GTPBP6: variants seen among roughly 807,000 people sequenced by gnomAD.
GTPBP6 encodes the protein GTP binding protein 6.
Under a neutral mutation model 28.9 loss-of-function variants are expected in GTPBP6, and 33 were observed. That is an observed-to-expected ratio of 1.14 (90% CI 0.87 to 1.53). The LOEUF is 1.53. GTPBP6 is among the 40% of genes most tolerant of loss of function. GTPBP6 has a pLI of 0.00. For synonymous variants in GTPBP6, 231 were observed against 192.7 expected (o/e 1.20, Z -1.65); for missense variants, 507 against 408.3 (o/e 1.24, Z -2.08).
intron 5 of GTPBP6, among the ~76,000 whole-genome samples, chrX:313,880 C>G (rs937348667): frequency 1.3e-5 from 2 of 151,880 alleles, no homozygotes; most frequent in Non-Finnish European, 2.9e-5. Flanking sequence ...GTTTAAATCC[C>G]CAGTTTGTGG....
chrX:305,318 C>G, intron 9 of GTPBP6, 121 bp from the exon 10 acceptor site: 5 of 783,092 alleles, frequency 6.4e-6, no homozygotes, highest in Non-Finnish European at 1.0e-5. Flanking sequence ...CGTCCTGTTT[C>G]CTTTTGTTTT....
exon 9 of GTPBP6, chrX:307,365 C>G: frequency 1.2e-6 from 2 of 1,612,056 alleles, no homozygotes; most frequent in South Asian, 2.2e-5. Flanking sequence ...CTCACCTGAG[C>G]TGCGCCCCTG....
intron 4 of GTPBP6, among the ~76,000 whole-genome samples, 170 bp from the exon 5 acceptor site, chrX:314,387 C>T (rs1054781136): frequency 1.2e-4 from 19 of 152,172 alleles, no homozygotes; most frequent in Middle Eastern, 3.4e-3. Flanking sequence ...ACGCGTGTCC[C>T]GGGCCGAGGG....
intron 6 of GTPBP6, chrX:312,443 C>T (rs1238958585): frequency 7.1e-6 from 4 of 563,718 alleles, no homozygotes; most frequent in South Asian, 3.1e-5. Flanking sequence ...ATGGTCTAGA[C>T]AGGAGGATGG....
At chrX:318,756 C>T in exon 1 of GTPBP6, 2 of 318,532 alleles carry the variant, frequency 6.3e-6, no homozygotes, top group East Asian at 4.9e-5. Context: ...GAGCCGCAGC[C>T]CCGGGCGTAC....
intron 6 of GTPBP6, chrX:312,021 G>C (rs1465588317): frequency 2.0e-6 from 1 of 494,932 alleles, no homozygotes; most frequent in Non-Finnish European, 3.9e-6. Context: ...TAGATGGGTG[G>C]ATATAGATAC....
intron 3 of GTPBP6, 35 bp downstream of exon 3, chrX:315,194 C>CG: frequency 2.5e-6 from 1 of 398,664 alleles, no homozygotes; most frequent in Non-Finnish European, 4.4e-6. Context: ...GCGTGGAGTG[C>CG]GGGGACAAAC....
chrX:312,915 A>AAG lies in GTPBP6; in HGVS notation c.765_766dup (p.Phe256SerfsTer10). On this transcript the variant is annotated frameshift_variant, in exon 6 of 10. Coordinates refer to ENST00000326153, the Ensembl canonical transcript of GTPBP6. LOFTEE classifies it high-confidence loss of function. ...CAGGAGACGCTGCTGCAGCTGCATG[A>AAG]AGGATTCTCCTAAAAGACACCCGAG... 2 of 1,612,060 alleles carry AAG rather than the reference A, an allele frequency of 1.2e-6. No homozygotes were observed. Among genetic ancestry groups the AAG allele is most frequent in the Non-Finnish European group, 1.7e-6 (2 of 1,179,194 alleles).
chrX:305,543 G>A lies in GTPBP6; in HGVS notation c.1428-346C>T, dbSNP rs28683496. Among the ~76,000 whole-genome samples the A allele has an allele frequency of 2.0e-3, 302 of 147,874 alleles. 7 individuals are homozygous for A. Among genetic ancestry groups the A allele is most frequent in the African/African-American group, 7.2e-3 (275 of 38,380 alleles). ...TCACCGTGTTAGCCAGGATGGTCTCGATCTCCTGACTTCGTGATCCACCCG... is the reference window on the plus strand; with the variant it reads ...TCACCGTGTTAGCCAGGATGGTCTCAATCTCCTGACTTCGTGATCCACCCG... On this transcript the variant is annotated intron_variant, in intron 9 of 9. Transcript: ENST00000326153.
intron 6 of GTPBP6, chrX:312,049 T>A (rs867983889): frequency 3.7e-5 from 17 of 454,676 alleles, no homozygotes; most frequent in African/African-American, 2.8e-4. Flanking sequence ...GTGCCGGTGT[T>A]GACAGAAGGA....
chrX:308,202 G>A (rs1030162953), intron 7 of GTPBP6, among the ~76,000 whole-genome samples: 3 of 152,106 alleles, frequency 2.0e-5, no homozygotes, highest in Non-Finnish European at 4.4e-5. Flanking sequence ...CAAAGCTTTA[G>A]GGCGGCTTCA....
At chrX:312,440 A>G (rs774357062) in intron 6 of GTPBP6, 9 of 556,510 alleles carry the variant, frequency 1.6e-5, no homozygotes, top group African/African-American at 1.1e-4. Flanking sequence ...GGGATGGTCT[A>G]GACAGGAGGA....
At chrX:310,407 C>T (rs2070261706) in intron 7 of GTPBP6, among the ~76,000 whole-genome samples, 3 of 129,528 alleles carry the variant, frequency 2.3e-5, no homozygotes, top group Non-Finnish European at 4.7e-5. Flanking sequence ...CCCCTAGAGC[C>T]TCCAGAAGGA....
exon 4 of GTPBP6, chrX:314,963 G>C (rs1231845356): frequency 5.0e-6 from 2 of 398,612 alleles, no homozygotes. Context: ...CGGAAGATGT[G>C]CAGGACGACC....
At chrX:316,759 T>C (rs1214250018) in intron 2 of GTPBP6, among the ~76,000 whole-genome samples, 155 bp downstream of exon 2, 3 of 152,074 alleles carry the variant, frequency 2.0e-5, no homozygotes, top group Non-Finnish European at 4.4e-5. Flanking sequence ...CGACTCCTAC[T>C]GGCGTGTGCT....
intron 5 of GTPBP6, 98 bp from the exon 6 acceptor site, chrX:313,022 C>T: frequency 3.8e-6 from 4 of 1,045,224 alleles, no homozygotes; most frequent in Non-Finnish European, 4.2e-6. Context: ...GGGGCCTGCT[C>T]CCGCTCCAGC....
chrX:305,601 A>G lies in GTPBP6; in HGVS notation c.1428-404T>C, dbSNP rs904677682. Among the ~76,000 whole-genome samples, 68 of 145,380 alleles carry G rather than the reference A, an allele frequency of 4.7e-4. 1 individual carries two copies. The highest frequency in any genetic ancestry group is 4.8e-4 in the Non-Finnish European group (32 of 67,178). Reference sequence around the variant, plus strand: ...CTCCCAAAGTGCTGGGATGACAGGCATGAGCCACTGCGCCCGGCTTTTTAT... The same window carrying G: ...CTCCCAAAGTGCTGGGATGACAGGCGTGAGCCACTGCGCCCGGCTTTTTAT... On this transcript the variant is annotated intron_variant, in intron 9 of 9. Transcript: ENST00000326153.
exon 7 of GTPBP6, chrX:311,498 T>C: frequency 6.2e-7 from 1 of 1,611,992 alleles, no homozygotes; most frequent in Non-Finnish European, 8.5e-7. Flanking sequence ...GCCGATGGTG[T>C]CCACGTACAG....
intron 3 of GTPBP6, 24 bp from the exon 4 acceptor site, chrX:315,044 G>A: frequency 2.5e-6 from 1 of 398,734 alleles, no homozygotes. Context: ...GAGCAACTGA[G>A]AAGCCACGGG....
Sources: gnomAD v4.1 joint callset for allele counts (sites outside exome capture counted in the v4.1 genomes callset) on GRCh38, gnomAD v4.1.1 for gene constraint, MANE v1.5 for transcripts, NCBI Gene and HGNC (gene_info 2026-07-23, HGNC 2026-07-21) for gene names.